Variants in PCDHA8 observed in about 807,000 individuals in gnomAD.
The protein encoded by PCDHA8 is protocadherin alpha-8.
Under a neutral mutation model 61.8 loss-of-function variants are expected in PCDHA8, and 53 were observed. The observed-to-expected ratio is 0.86, with a 90% CI of 0.69 to 1.08. PCDHA8 has a LOEUF of 1.08. PCDHA8 is among the 50% of genes least tolerant of loss of function. PCDHA8 has a pLI of 0.00. For missense variants in PCDHA8, 1,293 were observed against 1,245.0 expected (o/e 1.04, Z -0.58); for synonymous variants, 618 against 556.6 (o/e 1.11, Z -1.55).
rs1779165164 is a variant in PCDHA8, at chr5:140,843,975, T to C, written c.2394+260T>C. ...TTTTTACTGAATATTTATTTTGGCCTGCCTTACAGCCGTCTTCTCTGAACA... is the reference window on the plus strand; with the variant it reads ...TTTTTACTGAATATTTATTTTGGCCCGCCTTACAGCCGTCTTCTCTGAACA... On this transcript the variant is annotated intron_variant, in intron 1 of 3. Transcript: ENST00000531613. 1.3e-5 allele frequency among the ~76,000 whole-genome samples: 2 copies of C among 149,640 alleles called. 1 individual carries two copies. The highest frequency in any genetic ancestry group is 3.0e-5 in the Non-Finnish European group (2 of 66,898).
At chr5:140,913,145 G>A (rs2076230074) in intron 1 of PCDHA8, among the ~76,000 whole-genome samples, 1 of 152,150 alleles carries the variant, frequency 6.6e-6, no homozygotes, top group Non-Finnish European at 1.5e-5. Context: ...TTTTGGAATA[G>A]TTTGAGTAGG....
chr5:141,007,377 A>C (rs13186204), intron 3 of PCDHA8, among the ~76,000 whole-genome samples: 7,611 of 136,554 alleles, frequency 0.056, 239 homozygotes, highest in South Asian at 0.11. Flanking sequence ...ATGATGGAAC[A>C]CCATCTCTAC....
chr5:140,934,043 G>A (rs1241698438), intron 1 of PCDHA8, among the ~76,000 whole-genome samples: 1 of 151,818 alleles, frequency 6.6e-6, no homozygotes, highest in African/African-American at 2.4e-5. Context: ...AATGATATTA[G>A]TCTTTCCAAG....
Position 141,009,916 on chromosome 5 carries a change from G to T in PCDHA8, c.2832G>T (p.Thr944=). The change falls in exon 4 of 4, where the codon ACG becomes ACT. Residue 944 remains threonine, a synonymous_variant. Coordinates refer to ENST00000531613, the MANE Select transcript of PCDHA8 (RefSeq NM_018911.3). ...AGAAAAAAGAGAAAGGGAACAGCAC[G>T]ACTGACAACAGTGACCAGTGAGGTC... ...TQEKKEKGNS[T]TDNSDQ The T allele has an allele frequency of 6.2e-7, 1 of 1,611,502 alleles. No individual in the cohort carries two copies. Among genetic ancestry groups the T allele is most frequent in the South Asian group, 1.1e-5 (1 of 90,550 alleles).
At chr5:140,899,269 A>C (rs1301807291) in intron 1 of PCDHA8, among the ~76,000 whole-genome samples, 2 of 152,260 alleles carry the variant, frequency 1.3e-5, no homozygotes, top group East Asian at 3.9e-4. Context: ...GTCTTGTGGC[A>C]GTTTTCAAAG....
rs1307934746 is a variant in PCDHA8, at chr5:140,846,014, A to C, written c.2394+2299A>C. 1.3e-5 allele frequency among the ~76,000 whole-genome samples: 2 copies of C among 149,776 alleles called. 1 individual carries two copies. Among genetic ancestry groups the C allele is most frequent in the Non-Finnish European group, 3.0e-5 (2 of 66,864 alleles). On this transcript the variant is annotated intron_variant, in intron 1 of 3. Transcript: ENST00000531613. ...TGTGGTGGAATGAAAAAAATCTAAA[A>C]GTTATTACGAGTTTAGGAAAGTCAA...
chr5:140,928,801 G>T (rs1554206325), intron 1 of PCDHA8: 1 of 1,614,066 alleles, frequency 6.2e-7, no homozygotes, highest in African/African-American at 1.3e-5. Flanking sequence ...GGTGGTGGTA[G>T]TGGTTCGGGA....
At chr5:140,848,867 G>A in intron 1 of PCDHA8, 1 of 1,590,766 alleles carries the variant, frequency 6.3e-7, no homozygotes, top group Non-Finnish European at 8.6e-7. Context: ...TGGAGGTGAA[G>A]GACATTAACG....
At chr5:140,883,634 G>C (rs782548505) in intron 1 of PCDHA8, 18 of 1,613,174 alleles carry the variant, frequency 1.1e-5, no homozygotes, top group African/African-American at 5.4e-5. Flanking sequence ...GCCGGCGTTC[G>C]CGCAGCCCGA....
rs2150503431 is a variant in PCDHA8, at chr5:140,850,946, T to C, written c.2394+7231T>C. 14 of 1,504,084 alleles carry C rather than the reference T, an allele frequency of 9.3e-6. 3 individuals are homozygous for C. Among genetic ancestry groups the C allele is most frequent in the Non-Finnish European group, 1.3e-5 (14 of 1,119,924 alleles). 93.2% of individuals were successfully genotyped at this position (1,504,084 alleles called of 1,614,324 possible). A position where few individuals can be genotyped will look rare whatever the true frequency, so the allele number is the denominator to read the frequency against. ...TAATTTTTTTTCTTGAAAGATATTA[T>C]CGATTACTCCCAGGGGCCGTTCAAA... On this transcript the variant is annotated intron_variant, in intron 1 of 3. Coordinates refer to ENST00000531613, the MANE Select transcript of PCDHA8 (RefSeq NM_018911.3).
chr5:140,961,878 C>A (rs2095639757), intron 1 of PCDHA8, among the ~76,000 whole-genome samples: 1 of 150,888 alleles, frequency 6.6e-6, no homozygotes, highest in Non-Finnish European at 1.5e-5. Context: ...AATTGACTTA[C>A]TTACATCAGT....
At chr5:140,850,694 G>C in intron 1 of PCDHA8, 2 of 1,598,344 alleles carry the variant, frequency 1.3e-6, no homozygotes, top group Non-Finnish European at 1.7e-6. Context: ...GCGAGTGCGC[G>C]CCTGGCAAGC....
intron 1 of PCDHA8, among the ~76,000 whole-genome samples, chr5:140,881,606 T>A (rs1554172306): frequency 6.6e-6 from 1 of 152,226 alleles, no homozygotes; most frequent in East Asian, 1.9e-4. Context: ...TAATATGATG[T>A]GCTTATTCAA....
intron 1 of PCDHA8, chr5:140,871,599 T>G: frequency 1.4e-6 from 2 of 1,447,906 alleles, no homozygotes; most frequent in Non-Finnish European, 1.8e-6. Flanking sequence ...GAATAACCAG[T>G]GTTTTGAATA....
At position 140,850,723 on chromosome 5, in the gene PCDHA8, G is replaced by T. The variant is rs2150495847; in HGVS notation, c.2394+7008G>T. 3.1e-5 allele frequency: 49 copies of T among 1,597,922 alleles called. 7 individuals carry two copies. The highest frequency in any genetic ancestry group is 4.2e-5 in the Non-Finnish European group (49 of 1,167,668). The stretch of plus-strand genomic sequence containing the variant: ...GGCAAGCCGACGCTGGTGTGTTCTA[G>T]CGCGGTGGGGAGTTGGTCGTACTCG... On this transcript the variant is annotated intron_variant, in intron 1 of 3. Transcript: ENST00000531613.
chr5:140,967,026 C>G, intron 1 of PCDHA8: 2 of 1,608,434 alleles, frequency 1.2e-6, no homozygotes, highest in East Asian at 4.5e-5. Flanking sequence ...GCGCCCAGTC[C>G]GCGCTACCTG....
intron 1 of PCDHA8, among the ~76,000 whole-genome samples, chr5:140,959,089 C>T (rs150796442): frequency 0.023 from 3,565 of 152,100 alleles, 49 homozygotes; most frequent in Middle Eastern, 0.034. Context: ...TCCTTGGTTT[C>T]GGACATTCAG....
At chr5:140,933,184 G>T (rs1459868769) in intron 1 of PCDHA8, among the ~76,000 whole-genome samples, 4 of 149,618 alleles carry the variant, frequency 2.7e-5, no homozygotes, top group African/African-American at 4.9e-5. Flanking sequence ...ATAAGATAAT[G>T]GTTCAGGATA....
At chr5:140,882,718 T>A (rs782288800) in intron 1 of PCDHA8, 9 of 1,614,054 alleles carry the variant, frequency 5.6e-6, no homozygotes, top group Middle Eastern at 1.6e-4. Flanking sequence ...CTCCGGAAAC[T>A]CGATTTCCAC....
Sources: gnomAD v4.1 joint callset for allele counts (sites outside exome capture counted in the v4.1 genomes callset) on GRCh38, gnomAD v4.1.1 for gene constraint, MANE v1.5 for transcripts, NCBI Gene and HGNC (gene_info 2026-07-23, HGNC 2026-07-21) for gene names.